Variants in BMPER observed in about 807,000 individuals in gnomAD.
BMPER encodes BMP-binding endothelial regulator protein.
BMPER carries 45 observed loss-of-function variants against 87.3 expected under a neutral mutation model. The ratio of observed to expected loss-of-function variants is 0.52; its 90% CI spans 0.41 to 0.66. BMPER has a LOEUF of 0.66. Ranked by LOEUF, BMPER falls within the 30% of genes least tolerant of loss-of-function variation. BMPER has a pLI of 0.00. For synonymous variants in BMPER, 326 were observed against 316.2 expected (o/e 1.03, Z -0.33); for missense variants, 784 against 867.5 (o/e 0.90, Z 1.21).
At chr7:34,070,898 G>C (rs192593621) in intron 11 of BMPER, among the ~76,000 whole-genome samples, 1 of 145,852 alleles carries the variant, frequency 6.9e-6, no homozygotes, top group Non-Finnish European at 1.5e-5. Context: ...AACACATCAA[G>C]AAATGCTGGT....
At chr7:33,982,652 G>A (rs1377265968) in intron 6 of BMPER, among the ~76,000 whole-genome samples, 1 of 152,168 alleles carries the variant, frequency 6.6e-6, no homozygotes, top group African/African-American at 2.4e-5. Flanking sequence ...GAAAGAATCC[G>A]AATAGTTGTG....
intron 2 of BMPER, among the ~76,000 whole-genome samples, chr7:33,920,952 T>A (rs1003923053): frequency 6.6e-6 from 1 of 152,240 alleles, no homozygotes; most frequent in African/African-American, 2.4e-5. Flanking sequence ...TTCGTGGAAC[T>A]TTTACACAAT....
chr7:33,909,080 T>A (rs1783889712), intron 2 of BMPER, among the ~76,000 whole-genome samples: 1 of 152,232 alleles, frequency 6.6e-6, no homozygotes, highest in African/African-American at 2.4e-5. Flanking sequence ...GGTAAACATT[T>A]ATGTGTACTA....
At chr7:34,061,429 G>T (rs1488465325) in intron 10 of BMPER, among the ~76,000 whole-genome samples, 3 of 152,188 alleles carry the variant, frequency 2.0e-5, no homozygotes, top group Non-Finnish European at 4.4e-5. Flanking sequence ...TTGGCTTTGA[G>T]TGCATAACAG....
Position 33,921,191 on chromosome 7 carries a change from G to A in BMPER, c.219+14288G>A, listed in dbSNP as rs559391578. 3.3e-5 allele frequency among the ~76,000 whole-genome samples: 5 copies of A among 152,276 alleles called. No individual in the cohort carries two copies. In the South Asian group the frequency reaches 6.2e-4, roughly 19 times the overall value. On this transcript the variant is annotated intron_variant, in intron 2 of 14. Transcript: ENST00000649409. ...GAAGCTTCTTCAGGGTAGGAATAGC[G>A]TCTAATTCTCATGATCAAAATATCT...
At chr7:34,033,462 A>G (rs1275236467) in intron 6 of BMPER, among the ~76,000 whole-genome samples, 1 of 151,948 alleles carries the variant, frequency 6.6e-6, no homozygotes, top group Admixed American at 6.6e-5. Context: ...TTAAGAAGTG[A>G]TTTTCTGGAT....
rs60327948 is a variant in BMPER, at chr7:33,909,680, CAA to C, written c.219+2792_219+2793del. ...CTCATATCTTATTTCATAACATGTA[CAA>C]AAAAAAAAAAAAAAGAAAGAAAAAG... is the stretch of plus-strand genomic sequence containing the variant. On this transcript the variant is annotated intron_variant, in intron 2 of 14. Coordinates refer to ENST00000649409, the MANE Select transcript of BMPER (RefSeq NM_001365308.1). Among the ~76,000 whole-genome samples, 139 of 53,528 alleles carry C rather than the reference CAA, an allele frequency of 2.6e-3. 1 individual carries two copies. Among genetic ancestry groups the C allele is most frequent in the African/African-American group, 8.0e-3 (119 of 14,816 alleles). 35.1% of individuals were successfully genotyped at this position (53,528 alleles called of 152,430 possible). A position where few individuals can be genotyped will look rare whatever the true frequency, so the allele number is the denominator to read the frequency against.
At chr7:34,098,975 C>T (rs1789606387) in intron 13 of BMPER, among the ~76,000 whole-genome samples, 1 of 151,938 alleles carries the variant, frequency 6.6e-6, no homozygotes, top group Non-Finnish European at 1.5e-5. Flanking sequence ...TAATGACAGT[C>T]ATGTTAGCTG....
chr7:34,086,259 C>A (rs143247620), intron 13 of BMPER, among the ~76,000 whole-genome samples, 167 bp downstream of exon 13: 1 of 152,204 alleles, frequency 6.6e-6, no homozygotes, highest in Non-Finnish European at 1.5e-5. Context: ...CAGCCCCATT[C>A]TAGGTCCCAA....
chr7:33,931,614 G>A (rs552267466), intron 2 of BMPER, among the ~76,000 whole-genome samples: 2 of 152,278 alleles, frequency 1.3e-5, no homozygotes, highest in East Asian at 1.9e-4. Context: ...GGTTACAATG[G>A]GGATACTTCA....
intron 6 of BMPER, among the ~76,000 whole-genome samples, chr7:34,023,657 T>C (rs1456666764): frequency 1.3e-5 from 2 of 152,038 alleles, no homozygotes; most frequent in African/African-American, 2.4e-5. Context: ...AAATTTGACA[T>C]AGAGATTGGA....
chr7:33,919,481 A>G (rs533441849), intron 2 of BMPER, among the ~76,000 whole-genome samples: 3 of 152,328 alleles, frequency 2.0e-5, no homozygotes, highest in Admixed American at 6.5e-5. Flanking sequence ...CTCTGAATTA[A>G]TGGGATCTTC....
chr7:33,918,068 T>TG lies in BMPER; in HGVS notation c.219+11167dup, dbSNP rs1191389269. On this transcript the variant is annotated intron_variant, in intron 2 of 14. Transcript: ENST00000649409. ...ATCACCAGGGCTGACCTCAAACTCCTGGCCTCAAGCGATCCTCCTGCCTTG... is the reference window on the plus strand; with the variant it reads ...ATCACCAGGGCTGACCTCAAACTCCTGGGCCTCAAGCGATCCTCCTGCCTTG... Among the ~76,000 whole-genome samples the TG allele has an allele frequency of 9.9e-5, 15 of 152,274 alleles. No individual in the cohort carries two copies. The Middle Eastern group carries it at 0.01, about 104-fold the overall frequency.
intron 6 of BMPER, among the ~76,000 whole-genome samples, chr7:34,036,742 T>C (rs1189699473): frequency 6.6e-6 from 1 of 152,170 alleles, no homozygotes; most frequent in African/African-American, 2.4e-5. Context: ...AAGAGGAAAG[T>C]AAAATAGCTG....
chr7:34,144,296 G>A (rs941818543), intron 14 of BMPER, among the ~76,000 whole-genome samples: 5 of 151,820 alleles, frequency 3.3e-5, no homozygotes, highest in African/African-American at 7.3e-5. Flanking sequence ...GAAGAGGGGC[G>A]CAAGAGGAAG....
chr7:34,054,077 C>T, intron 8 of BMPER, among the ~76,000 whole-genome samples: 1 of 152,212 alleles, frequency 6.6e-6, no homozygotes, highest in East Asian at 1.9e-4. Flanking sequence ...CTTGTCTTTG[C>T]TATCTTTACA....
At chr7:33,937,516 G>A in intron 3 of BMPER, 128 bp downstream of exon 3, 1 of 688,740 alleles carries the variant, frequency 1.5e-6, no homozygotes, top group South Asian at 1.7e-5. Flanking sequence ...GAAGTAGGGT[G>A]TGTGTGTGTG....
chr7:33,944,966 G>A (rs1189595581), intron 3 of BMPER, among the ~76,000 whole-genome samples: 1 of 152,034 alleles, frequency 6.6e-6, no homozygotes, highest in Non-Finnish European at 1.5e-5. Context: ...TTTTATGATG[G>A]AGTCTCGCTC....
chr7:34,131,839 A>G (rs952108393), intron 13 of BMPER, among the ~76,000 whole-genome samples: 10 of 152,196 alleles, frequency 6.6e-5, no homozygotes, highest in African/African-American at 2.2e-4. Context: ...AACAAAGTTC[A>G]ATTCCTGCAC....
Sources: gnomAD v4.1 joint callset for allele counts (sites outside exome capture counted in the v4.1 genomes callset) on GRCh38, gnomAD v4.1.1 for gene constraint, MANE v1.5 for transcripts, NCBI Gene and HGNC (gene_info 2026-07-23, HGNC 2026-07-21) for gene names.